The following EMB variants were observed in gnomAD, a reference collection of about 807,000 sequenced individuals.
The protein encoded by EMB is embigin.
Under a neutral mutation model 41.4 loss-of-function variants are expected in EMB, and 31 were observed. That is an observed-to-expected ratio of 0.75 (90% CI 0.56 to 1.01). The LOEUF (loss-of-function observed/expected upper bound fraction) is 1.01. EMB is among the 50% of genes least tolerant of loss of function. The pLI, the probability that EMB is intolerant of heterozygous loss-of-function variation, is 0.00. For missense variants in EMB, 379 were observed against 388.3 expected, an observed-to-expected ratio of 0.98 and a Z score of 0.20; for synonymous variants, 137 against 140.4, an observed-to-expected ratio of 0.98 and a Z score of 0.17.
chr5:50,411,594 C>A, intron 2 of EMB: 1 of 391,004 alleles, frequency 2.6e-6, no homozygotes, highest in Non-Finnish European at 4.6e-6. Flanking sequence ...AACATTAACA[C>A]AATTAAAAAA....
intron 5 of EMB, 136 bp from the exon 6 acceptor site, chr5:50,403,590 G>A: frequency 5.3e-6 from 5 of 952,122 alleles, no homozygotes; most frequent in Non-Finnish European, 7.7e-6. Flanking sequence ...TTTGTGAGAG[G>A]TTATCTATAA....
At chr5:50,411,126 C>T in intron 3 of EMB, 71 bp downstream of exon 3, 4 of 1,379,402 alleles carry the variant, frequency 2.9e-6, no homozygotes, top group Non-Finnish European at 4.0e-6. Flanking sequence ...GGAAAGAATG[C>T]TCAGTCAGCA....
chr5:50,401,142 C>T (rs184092484), intron 7 of EMB, among the ~76,000 whole-genome samples: 40 of 152,122 alleles, frequency 2.6e-4, no homozygotes, highest in Non-Finnish European at 4.1e-4. Context: ...GGGAGAGATA[C>T]AATTCCCTTC....
intron 2 of EMB, among the ~76,000 whole-genome samples, chr5:50,425,286 C>T (rs1745591307): frequency 6.6e-6 from 1 of 152,078 alleles, no homozygotes; most frequent in Non-Finnish European, 1.5e-5. Context: ...TAATGTCTGC[C>T]TATATTATCT....
In EMB at chr5:50,441,190, T is replaced by A; in HGVS notation, c.-39A>T. 2.4e-6 allele frequency: 3 copies of A among 1,256,812 alleles called. No individual in the cohort carries two copies. The highest frequency in any genetic ancestry group is 3.1e-6 in the Non-Finnish European group (3 of 968,660). The allele number at this position is 1,256,812 out of a possible 1,614,324, so 77.9% of individuals were successfully genotyped here. On this transcript the variant is annotated 5_prime_UTR_variant, in exon 1 of 9. Transcript: ENST00000303221. ...CCGCCTGGGTCCTCGTGGAGACTGC[T>A]CCCTCAGCTCGCCGCCGCGGGTGTC...
chr5:50,442,819 C>G (rs1745936448), upstream of EMB: 2 of 152,174 alleles, frequency 1.3e-5, no homozygotes, highest in Non-Finnish European at 2.9e-5. Context: ...GTAAGCACTT[C>G]TCACCTCAAA....
At chr5:50,441,869 G>A (rs764437056), upstream of EMB, among the ~76,000 whole-genome samples, 7 of 152,134 alleles carry the variant, frequency 4.6e-5, no homozygotes, top group Non-Finnish European at 8.8e-5. Flanking sequence ...GCCACCTAGA[G>A]CTCAAGAAGC....
intron 4 of EMB, among the ~76,000 whole-genome samples, chr5:50,407,280 T>A: frequency 6.6e-6 from 1 of 152,006 alleles, no homozygotes; most frequent in East Asian, 1.9e-4. Flanking sequence ...GGGAAAAACC[T>A]GGCAGAATAT....
chr5:50,438,828 A>G (rs364100), intron 1 of EMB, among the ~76,000 whole-genome samples: 76 of 151,940 alleles, frequency 5.0e-4, no homozygotes, highest in African/African-American at 6.5e-4. Flanking sequence ...TACCATATAC[A>G]TAGAGTGACA....
At chr5:50,413,055 T>C (rs1327270602) in intron 2 of EMB, among the ~76,000 whole-genome samples, 1 of 151,634 alleles carries the variant, frequency 6.6e-6, no homozygotes, top group Non-Finnish European at 1.5e-5. Context: ...CACACATACA[T>C]ACACACGCGC....
At position 50,397,856 on chromosome 5, in the gene EMB, C is replaced by A. The variant is rs1745096497; in HGVS notation, c.*1417G>T. The A allele has an allele frequency of 1.3e-5, 2 of 151,946 alleles. No individual in the cohort carries two copies. Among genetic ancestry groups the A allele is most frequent in the African/African-American group, 4.8e-5 (2 of 41,384 alleles). The allele number at this position is 151,946 out of a possible 1,614,324, so 9.4% of individuals were successfully genotyped here. On this transcript the variant is annotated 3_prime_UTR_variant, in exon 9 of 9. Transcript: ENST00000303221. ...AACAAAATATTGCATTTTGTTATAG[C>A]AACAAAGTATTGAGCAGCTTCCAAG... is the stretch of plus-strand genomic sequence containing the variant.
At chr5:50,410,348 C>T (rs1745313980) in intron 4 of EMB, among the ~76,000 whole-genome samples, 1 of 151,908 alleles carries the variant, frequency 6.6e-6, no homozygotes, top group Non-Finnish European at 1.5e-5. Context: ...TCGTTTGTTT[C>T]CAAGCAAAAG....
chr5:50,426,002 A>G (rs1745605701), intron 2 of EMB, among the ~76,000 whole-genome samples: 1 of 152,188 alleles, frequency 6.6e-6, no homozygotes, highest in Non-Finnish European at 1.5e-5. Flanking sequence ...TTATTACTAA[A>G]TAAGCCTAGA....
chr5:50,437,391 C>A (rs1265432548), intron 1 of EMB, among the ~76,000 whole-genome samples: 2 of 152,164 alleles, frequency 1.3e-5, no homozygotes, highest in Non-Finnish European at 2.9e-5. Context: ...CCAAGCTTCT[C>A]CACCATAAAG....
At position 50,396,231 on chromosome 5, in the gene EMB, T is replaced by C. The variant is rs1160611310; in HGVS notation, c.*3042A>G. The C allele has an allele frequency of 2.6e-5, 4 of 152,198 alleles. No homozygotes were observed. The highest frequency in any genetic ancestry group is 6.5e-5 in the Admixed American group (1 of 15,270). The allele number at this position is 152,198 out of a possible 1,614,324, so 9.4% of individuals were successfully genotyped here. A position where few individuals can be genotyped will look rare whatever the true frequency, so the allele number is the denominator to read the frequency against. The stretch of plus-strand genomic sequence containing the variant: ...CTTGTTTTTCTTTATTAGAATACTT[T>C]TTTCAATTCTGATTTGTCACAATTT... On this transcript the variant is annotated 3_prime_UTR_variant, in exon 9 of 9. Coordinates refer to ENST00000303221, the MANE Select transcript of EMB (RefSeq NM_198449.3).
At chr5:50,439,639 A>G (rs1323691421) in intron 1 of EMB, among the ~76,000 whole-genome samples, 1 of 152,038 alleles carries the variant, frequency 6.6e-6, no homozygotes, top group Non-Finnish European at 1.5e-5. Context: ...TATTATGGAA[A>G]AGAGATGTGG....
chr5:50,425,492 G>A lies in EMB; in HGVS notation c.196+2652C>T, dbSNP rs570015960. ...TTGAGCAACTAAACACTAATATGCA[G>A]AGAGGAAAAAAACAAAAAAAATATA... On this transcript the variant is annotated intron_variant, in intron 2 of 8. Coordinates refer to ENST00000303221, the MANE Select transcript of EMB (RefSeq NM_198449.3). Among the ~76,000 whole-genome samples, 10 of 147,636 alleles carry A rather than the reference G, an allele frequency of 6.8e-5. No individual in the cohort carries two copies. In the South Asian group the frequency reaches 8.8e-4, roughly 13 times the overall value.
At chr5:50,417,641 T>C (rs572258742) in intron 2 of EMB, among the ~76,000 whole-genome samples, 1 of 152,326 alleles carries the variant, frequency 6.6e-6, no homozygotes, top group East Asian at 1.9e-4. Context: ...GTAGTACATA[T>C]ACCTTGATAT....
Position 50,396,481 on chromosome 5 carries a change from A to G in EMB, c.*2792T>C, listed in dbSNP as rs1398157789. 6.6e-6 allele frequency: 1 copy of G among 152,160 alleles called. No homozygotes were observed. The highest frequency in any genetic ancestry group is 1.9e-4 in the East Asian group (1 of 5,188). 9.4% of individuals were successfully genotyped at this position (152,160 alleles called of 1,614,324 possible). On this transcript the variant is annotated 3_prime_UTR_variant, in exon 9 of 9. Coordinates refer to ENST00000303221, the MANE Select transcript of EMB (RefSeq NM_198449.3). ...GTTATTTAAGCATGTAAGATGGTACATGCTCTACCAGGTATGGGGGCTTCT... is the reference window on the plus strand; with the variant it reads ...GTTATTTAAGCATGTAAGATGGTACGTGCTCTACCAGGTATGGGGGCTTCT...
Sources: allele counts gnomAD v4.1 joint callset (sites outside exome capture counted in the v4.1 genomes callset), GRCh38; gene constraint gnomAD v4.1.1; transcripts MANE v1.5; gene names NCBI Gene and HGNC (gene_info 2026-07-23, HGNC 2026-07-21).